The following UFM1 variants were observed in gnomAD, a reference collection of about 807,000 sequenced individuals.
UFM1 encodes the protein ubiquitin fold modifier 1, also known as ubiquitin-fold modifier 1.
Under a neutral mutation model 15.4 loss-of-function variants are expected in UFM1, and 9 were observed. That is an observed-to-expected ratio of 0.59 (90% CI 0.35 to 1.02). The LOEUF is 1.02. UFM1 is among the 50% of genes least tolerant of loss of function. UFM1 has a pLI of 0.02. For synonymous variants in UFM1, 27 were observed against 36.3 expected (o/e 0.74, Z 0.92); for missense variants, 98 against 104.7 (o/e 0.94, Z 0.28).
In UFM1 at chr13:38,361,983, T is replaced by C. The variant is rs1231813800; in HGVS notation, c.*1205T>C. ...CATACAGACTTCAAAATACCCCTTA[T>C]GAGAATCCAAAGAATGATGTGTGTA... On this transcript the variant is annotated 3_prime_UTR_variant, in exon 6 of 6. Coordinates refer to ENST00000239878, the MANE Select transcript of UFM1 (RefSeq NM_016617.4). The C allele has an allele frequency of 6.6e-6, 1 of 152,196 alleles. No homozygotes were observed. Among genetic ancestry groups the C allele is most frequent in the African/African-American group, 2.4e-5 (1 of 41,454 alleles). 9.4% of individuals were successfully genotyped at this position (152,196 alleles called of 1,614,324 possible). A position where few individuals can be genotyped will look rare whatever the true frequency, so the allele number is the denominator to read the frequency against.
At position 38,354,262 on chromosome 13, in the gene UFM1, C is replaced by G; in HGVS notation, c.83C>G (p.Pro28Arg). 6.2e-7 allele frequency: 1 copy of G among 1,609,622 alleles called. No individual in the cohort carries two copies. Among genetic ancestry groups the G allele is most frequent in the Non-Finnish European group, 8.5e-7 (1 of 1,177,022 alleles). ...YKVLSVPEST[P>R]FTAVLKFAAE... ...AGACTCAGTGTTCCTGAAAGTACAC[C>G]TTTCACAGCAGTCTTAAAGTTTGCA... The change falls in exon 3 of 6, where the codon CCT becomes CGT. Residue 28 changes from proline (P) to arginine (R), a missense_variant. Transcript: ENST00000239878.
Position 38,361,555 on chromosome 13 carries a change from A to G in UFM1, c.*777A>G, listed in dbSNP as rs1467076387. On this transcript the variant is annotated 3_prime_UTR_variant, in exon 6 of 6. Transcript: ENST00000239878. The stretch of plus-strand genomic sequence containing the variant: ...TCAAGAAACCACTGGTGTTTTGAGG[A>G]TAGTATTTCTAAATAGCATTCAGGA... 5 of 152,232 alleles carry G rather than the reference A, an allele frequency of 3.3e-5. No individual in the cohort carries two copies. Among genetic ancestry groups the G allele is most frequent in the Non-Finnish European group, 7.3e-5 (5 of 68,034 alleles). 9.4% of individuals were successfully genotyped at this position (152,232 alleles called of 1,614,324 possible).
intron 2 of UFM1, among the ~76,000 whole-genome samples, chr13:38,353,651 C>T (rs1473030666): frequency 2.6e-5 from 4 of 152,016 alleles, no homozygotes; most frequent in Non-Finnish European, 4.4e-5. Context: ...ACTTAGCCCA[C>T]TTTAAATGAT....
At chr13:38,355,191 T>C (rs982911191) in intron 3 of UFM1, among the ~76,000 whole-genome samples, 2 of 152,070 alleles carry the variant, frequency 1.3e-5, no homozygotes, top group African/African-American at 2.4e-5. Context: ...AATCCTGCCC[T>C]GTACTTCACT....
chr13:38,362,004 G>A lies in UFM1; in HGVS notation c.*1226G>A, dbSNP rs1347424643. ...CTTATGAGAATCCAAAGAATGATGT[G>A]TGTAAGGGAAGATTTTATTTGCCCT... is the stretch of plus-strand genomic sequence containing the variant. On this transcript the variant is annotated 3_prime_UTR_variant, in exon 6 of 6. Transcript: ENST00000239878. 2.0e-5 allele frequency: 3 copies of A among 152,188 alleles called. No homozygotes were observed. The highest frequency in any genetic ancestry group is 7.2e-5 in the African/African-American group (3 of 41,452). The allele number at this position is 152,188 out of a possible 1,614,324, so 9.4% of individuals were successfully genotyped here.
chr13:38,350,147 C>T (rs758848845), intron 2 of UFM1, 92 bp downstream of exon 2: 4 of 1,614,026 alleles, frequency 2.5e-6, no homozygotes, highest in Non-Finnish European at 3.4e-6. Context: ...CTACCCCACG[C>T]AGTCTTCATC....
At chr13:38,359,975 G>A (rs1879295317) in intron 5 of UFM1, 1 of 316,954 alleles carries the variant, frequency 3.2e-6, no homozygotes, top group African/African-American at 2.3e-5. Flanking sequence ...TTCTAGAGCA[G>A]TAGTTATTTT....
intron 4 of UFM1, 111 bp downstream of exon 4, chr13:38,358,243 C>A: frequency 1.8e-6 from 1 of 551,606 alleles, no homozygotes; most frequent in Non-Finnish European, 2.9e-6. Context: ...TGTATATCAA[C>A]ATAAATGATA....
At chr13:38,350,707 A>G (rs559935740) in intron 2 of UFM1, among the ~76,000 whole-genome samples, 1 of 152,254 alleles carries the variant, frequency 6.6e-6, no homozygotes, top group East Asian at 1.9e-4. Flanking sequence ...TTAAGTAAAC[A>G]CTCTTGAGGT....
intron 3 of UFM1, among the ~76,000 whole-genome samples, chr13:38,355,382 A>G (rs1382861292): frequency 1.3e-5 from 2 of 152,060 alleles, no homozygotes; most frequent in African/African-American, 4.8e-5. Context: ...ATCTGAGTAT[A>G]GCATTGTCAT....
At chr13:38,351,463 T>C (rs1452073418) in intron 2 of UFM1, among the ~76,000 whole-genome samples, 2 of 152,238 alleles carry the variant, frequency 1.3e-5, no homozygotes, top group Admixed American at 1.3e-4. Context: ...GGAAATTCTA[T>C]CATCTTTACA....
chr13:38,358,061 A>G, intron 3 of UFM1, 32 bp from the exon 4 acceptor site: 2 of 951,352 alleles, frequency 2.1e-6, no homozygotes, highest in Non-Finnish European at 2.9e-6. Flanking sequence ...GTGTGTGTAT[A>G]TATATATATA....
intron 3 of UFM1, among the ~76,000 whole-genome samples, 154 bp from the exon 4 acceptor site, chr13:38,357,939 A>G (rs1258571439): frequency 1.3e-5 from 2 of 151,814 alleles, no homozygotes; most frequent in African/African-American, 2.4e-5. Flanking sequence ...GGTCAGCTGT[A>G]CTTTCCTTGA....
intron 4 of UFM1, 77 bp from the exon 5 acceptor site, chr13:38,359,224 C>A: frequency 1.4e-6 from 2 of 1,441,056 alleles, no homozygotes; most frequent in Non-Finnish European, 1.9e-6. Flanking sequence ...ACTATTTTGG[C>A]AAATCTCTTT....
chr13:38,351,418 C>G (rs561591763), intron 2 of UFM1, among the ~76,000 whole-genome samples: 3 of 152,356 alleles, frequency 2.0e-5, no homozygotes, highest in East Asian at 1.9e-4. Context: ...AAACTTTCCA[C>G]AGCTGCTGTC....
intron 3 of UFM1, 34 bp from the exon 4 acceptor site, chr13:38,358,057 GTA>G (rs771331361): frequency 1.1e-4 from 59 of 527,636 alleles, no homozygotes; most frequent in South Asian, 6.0e-4. Context: ...GTGTGTGTGT[GTA>G]TATATATATA....
At position 38,350,039 on chromosome 13, in the gene UFM1, C is replaced by A. The variant is rs1395082751; in HGVS notation, c.43C>A (p.Arg15=). ...TAAGATCACGCTGACGTCGGACCCA[C>A]GGCTGCCGTACAAAGTGTGAGTAGC... ...SFKITLTSDP[R]LPYKVLSVPE... is the part of the protein sequence containing the mutation. The change falls in exon 2 of 6, where the codon CGG becomes AGG. Residue 15 remains arginine (R), a synonymous_variant. Coordinates refer to ENST00000239878, the MANE Select transcript of UFM1 (RefSeq NM_016617.4). The A allele has an allele frequency of 5.6e-6, 9 of 1,614,094 alleles. No individual in the cohort carries two copies. The highest frequency in any genetic ancestry group is 7.6e-6 in the Non-Finnish European group (9 of 1,180,036).
At chr13:38,350,263 T>C (rs762161291) in intron 2 of UFM1, 10 of 1,572,824 alleles carry the variant, frequency 6.4e-6, no homozygotes, top group East Asian at 4.7e-5. Flanking sequence ...GCTTGGCAGC[T>C]TGGCCCCGTC....
intron 4 of UFM1, among the ~76,000 whole-genome samples, chr13:38,358,525 A>G (rs1035564103): frequency 4.6e-5 from 7 of 151,956 alleles, no homozygotes; most frequent in African/African-American, 9.7e-5. Flanking sequence ...TAGGCTTGCA[A>G]TAATGAGAAT....
Sources: gnomAD v4.1 joint callset for allele counts (sites outside exome capture counted in the v4.1 genomes callset) on GRCh38, gnomAD v4.1.1 for gene constraint, MANE v1.5 for transcripts, NCBI Gene and HGNC (gene_info 2026-07-23, HGNC 2026-07-21) for gene names.